Variants in RHBDF2 observed in about 807,000 individuals in gnomAD.
The protein encoded by RHBDF2 is rhomboid 5 homolog 2, also known as inactive rhomboid protein 2.
Under a neutral mutation model 95.2 loss-of-function variants are expected in RHBDF2, and 38 were observed. The ratio of observed to expected loss-of-function variants is 0.40; its 90% confidence interval spans 0.31 to 0.52. The LOEUF (loss-of-function observed/expected upper bound fraction) is 0.52, where lower values mean the gene tolerates loss of function less well. Among genes scored for constraint, RHBDF2 ranks in the 20% least tolerant of loss-of-function variants. RHBDF2 has a pLI of 0.56. For missense variants in RHBDF2, 863 were observed against 1,137.7 expected (o/e 0.76, Z 3.47); for synonymous variants, 442 against 462.0 (o/e 0.96, Z 0.55).
intron 10 of RHBDF2, 58 bp from the exon 11 acceptor site, chr17:76,474,862 G>A: frequency 1.3e-6 from 2 of 1,587,778 alleles, no homozygotes; most frequent in Non-Finnish European, 1.7e-6. Flanking sequence ...TGGGCATGGG[G>A]AGCTGGGGCA....
In RHBDF2 at chr17:76,478,946, C is replaced by T. The variant is rs138342755; in HGVS notation, c.532G>A (p.Ala178Thr). ...RHPEEMDRPH[A>T]PHPPLTPGVL... ...CCGGGGGTCAGCGGTGGGTGCGGGGCGTGGGGCCTGTCCATCTCCTCCGGG... is the reference window on the plus strand; with the variant it reads ...CCGGGGGTCAGCGGTGGGTGCGGGGTGTGGGGCCTGTCCATCTCCTCCGGG... The change falls in exon 6 of 19, where the codon GCC (alanine) becomes ACC (threonine). Residue 178 changes from alanine to threonine, a missense_variant. Around this residue, in one of 2 missense-constraint regions of RHBDF2, gnomAD observed 611 missense variants for 725.5 expected, o/e 0.84. Coordinates refer to ENST00000675367, the MANE Select transcript of RHBDF2 (RefSeq NM_001005498.4). 62 of 1,596,438 alleles carry T rather than the reference C, an allele frequency of 3.9e-5. No homozygotes were observed. The highest frequency in any genetic ancestry group is 6.7e-5 in the African/African-American group (5 of 74,662).
chr17:76,472,341 C>T (rs2073604929), intron 18 of RHBDF2, among the ~76,000 whole-genome samples: 1 of 152,206 alleles, frequency 6.6e-6, no homozygotes, highest in Non-Finnish European at 1.5e-5. Flanking sequence ...AGGACGGACA[C>T]TGAACAAACT....
At chr17:76,497,353 C>T (rs919036065) in intron 1 of RHBDF2, among the ~76,000 whole-genome samples, 10 of 152,156 alleles carry the variant, frequency 6.6e-5, no homozygotes, top group Non-Finnish European at 1.5e-4. Flanking sequence ...GCCAGGAAAA[C>T]CCCTGGGCAG....
intron 3 of RHBDF2, 81 bp downstream of exon 3, chr17:76,481,294 A>C: frequency 1.4e-6 from 2 of 1,479,834 alleles, no homozygotes; most frequent in Non-Finnish European, 9.1e-7. Context: ...CCCTCTGGGA[A>C]GTGAAACTGA....
chr17:76,483,189 A>G (rs1053423270), intron 2 of RHBDF2, among the ~76,000 whole-genome samples: 1 of 152,272 alleles, frequency 6.6e-6, no homozygotes, highest in Middle Eastern at 3.4e-3. Flanking sequence ...AGCCGGGGTT[A>G]TGGGCGTGAG....
chr17:76,491,989 G>A (rs533658241), intron 1 of RHBDF2, among the ~76,000 whole-genome samples: 7 of 152,286 alleles, frequency 4.6e-5, no homozygotes, highest in South Asian at 2.1e-4. Flanking sequence ...AGTCACATCC[G>A]CCGCTCTCTC....
chr17:76,476,959 T>A lies in RHBDF2; in HGVS notation c.986A>T (p.Lys329Met). 2 of 1,614,006 alleles carry A rather than the reference T, an allele frequency of 1.2e-6. No homozygotes were observed. The highest frequency in any genetic ancestry group is 1.7e-4 in the Middle Eastern group (1 of 6,058). ...RRGKRIASKV[K>M]HFAFDRKKRH... ...CTTCTTCCGATCAAAGGCAAAGTGC[T>A]TCACCTTGGAGGCGATGCGCTTGCC... is the stretch of plus-strand genomic sequence containing the variant. The change falls in exon 9 of 19, where the codon AAG (lysine) becomes ATG (methionine). Residue 329 changes from lysine to methionine, a missense_variant. Transcript: ENST00000675367.
intron 1 of RHBDF2, chr17:76,500,921 C>T (rs1415763186): frequency 6.6e-6 from 1 of 152,494 alleles, no homozygotes; most frequent in Non-Finnish European, 1.5e-5. Context: ...CGGCCCCGGT[C>T]CGCCCGGTGC....
intron 1 of RHBDF2, among the ~76,000 whole-genome samples, chr17:76,500,136 G>A (rs905840694): frequency 3.0e-4 from 45 of 152,186 alleles, no homozygotes; most frequent in African/African-American, 1.0e-3. Flanking sequence ...GAAGGAACCT[G>A]ATGGACCAGC....
At chr17:76,475,273 C>G in intron 9 of RHBDF2, 132 bp from the exon 10 acceptor site, 1 of 628,286 alleles carries the variant, frequency 1.6e-6, no homozygotes, top group Middle Eastern at 2.9e-4. Flanking sequence ...TCATCTCAAA[C>G]CAGAGGAACT....
rs1567876350 is a variant in RHBDF2 at position 76,477,253 on chromosome 17, G to T, written c.847C>A (p.Leu283Ile). 2.5e-6 allele frequency: 4 copies of T among 1,608,664 alleles called. No individual in the cohort carries two copies. Among genetic ancestry groups the T allele is most frequent in the Middle Eastern group, 1.7e-4 (1 of 6,022 alleles). The change falls in exon 8 of 19, where the codon CTC becomes ATC. Residue 283 changes from leucine (L) to isoleucine (I), a missense_variant. Leu to Ile is a conservative substitution (Grantham distance 5). Around this residue, in one of 2 missense-constraint regions of RHBDF2, gnomAD observed 611 missense variants for 725.5 expected, o/e 0.84. Coordinates refer to ENST00000675367, the MANE Select transcript of RHBDF2 (RefSeq NM_001005498.4). ...MPDDVFESPP[L>I]SASYFRGIPH... Reference sequence around the variant, plus strand: ...ATCCCTCGGAAGTAGCTGGCAGAGAGTGGGGGGGACTCAAAGACATCATCA... The same window carrying T: ...ATCCCTCGGAAGTAGCTGGCAGAGATTGGGGGGGACTCAAAGACATCATCA...
chr17:76,494,837 C>T (rs879357187), intron 1 of RHBDF2, among the ~76,000 whole-genome samples: 1 of 152,230 alleles, frequency 6.6e-6, no homozygotes, highest in Non-Finnish European at 1.5e-5. Flanking sequence ...GTGCCTTCCA[C>T]ATCCCAGGGA....
intron 14 of RHBDF2, 34 bp downstream of exon 14, chr17:76,473,805 C>T (rs560065819): frequency 6.2e-7 from 1 of 1,613,642 alleles, no homozygotes; most frequent in Admixed American, 1.7e-5. Flanking sequence ...CCATCCCTGA[C>T]CTTCCCAGAC....
rs957152918 is a variant in RHBDF2, at chr17:76,473,479, C to T, written c.1734-152G>A. On this transcript the variant is annotated intron_variant, in intron 15 of 18. Transcript: ENST00000675367. Reference sequence around the variant, plus strand: ...CTTCGACTCTGGAGCAAGCTTCCTTCCTCCAGCTCGCACCATGGGTAGCCC... The same window carrying T: ...CTTCGACTCTGGAGCAAGCTTCCTTTCTCCAGCTCGCACCATGGGTAGCCC... 33 of 964,518 alleles carry T rather than the reference C, an allele frequency of 3.4e-5. No individual in the cohort carries two copies. The African/African-American group carries it at 3.7e-4, about 11-fold the overall frequency. The allele number at this position is 964,518 out of a possible 1,614,324, so 59.7% of individuals were successfully genotyped here.
In RHBDF2 at chr17:76,478,914, C is replaced by A; in HGVS notation, c.564G>T (p.Leu188=). Residue 188 remains leucine (L), a synonymous_variant, in exon 6 of 19, where the codon CTG becomes CTT. Transcript: ENST00000675367. ...GGACACTGGTGAAGGAGGTGAGGGA[C>A]AGGACTCCGGGGGTCAGCGGTGGGT... ...APHPPLTPGV[L]SLTSFTSVRS... is the part of the protein sequence containing the mutation. 5 of 1,609,246 alleles carry A rather than the reference C, an allele frequency of 3.1e-6. No homozygotes were observed. Among genetic ancestry groups the A allele is most frequent in the Non-Finnish European group, 4.2e-6 (5 of 1,177,514 alleles).
intron 18 of RHBDF2, 93 bp from the exon 19 acceptor site, chr17:76,472,145 C>A: frequency 1.5e-6 from 2 of 1,309,178 alleles, no homozygotes; most frequent in South Asian, 3.0e-5. Context: ...TCAGCTCCTC[C>A]CTGGCAGGCA....
chr17:76,483,176 A>G (rs186191642), intron 2 of RHBDF2, among the ~76,000 whole-genome samples: 1 of 152,316 alleles, frequency 6.6e-6, no homozygotes, highest in East Asian at 1.9e-4. Flanking sequence ...CAGCCTCCCA[A>G]GTAGCCGGGG....
chr17:76,477,349 G>GC (rs771246611), intron 7 of RHBDF2, 51 bp from the exon 8 acceptor site: 17 of 1,579,338 alleles, frequency 1.1e-5, no homozygotes, highest in African/African-American at 1.4e-5. Flanking sequence ...CCCAAACACT[G>GC]CCCCCCGGAA....
chr17:76,494,414 C>T (rs1598170267), intron 1 of RHBDF2, among the ~76,000 whole-genome samples: 1 of 152,186 alleles, frequency 6.6e-6, no homozygotes, highest in East Asian at 1.9e-4. Context: ...CGCTGGGCCC[C>T]ACCCACCACA....
Sources: gnomAD v4.1 joint callset for allele counts (sites outside exome capture counted in the v4.1 genomes callset) on GRCh38, gnomAD v4.1.1 for gene constraint, gnomAD v4.1.1 regional missense constraint, MANE v1.5 for transcripts, NCBI Gene and HGNC (gene_info 2026-07-23, HGNC 2026-07-21) for gene names.